Variants in EYA1 observed in about 807,000 individuals in gnomAD.
The protein encoded by EYA1 is EYA transcriptional coactivator and phosphatase 1.
A neutral mutation model predicts 82.0 loss-of-function variants in EYA1; 16 were observed. That is an observed-to-expected ratio of 0.20 (90% confidence interval 0.13 to 0.30). The LOEUF (loss-of-function observed/expected upper bound fraction) is 0.30, where lower values mean the gene tolerates loss of function less well. EYA1 is among the 10% of genes least tolerant of loss of function. The probability of loss-of-function intolerance (pLI) is 1.00; values close to 1 mark genes in which losing one functional copy is unlikely to be tolerated. For missense variants in EYA1, 633 were observed against 730.7 expected (o/e 0.87, Z 1.54); for synonymous variants, 261 against 264.4 (o/e 0.99, Z 0.12).
intron 2 of EYA1, among the ~76,000 whole-genome samples, chr8:71,467,191 AATAG>A (rs1314067279): frequency 2.0e-5 from 3 of 152,076 alleles, no homozygotes; most frequent in Admixed American, 1.3e-4. Context: ...TATTTTAAAA[AATAG>A]ATAGAATTTA....
chr8:71,311,096 C>T (rs1294821605), intron 7 of EYA1, among the ~76,000 whole-genome samples: 1 of 152,060 alleles, frequency 6.6e-6, no homozygotes, highest in Non-Finnish European at 1.5e-5. Context: ...TTTTATTTTC[C>T]TCATATGATT....
intron 12 of EYA1, among the ~76,000 whole-genome samples, chr8:71,235,066 A>C (rs903341324): frequency 6.6e-6 from 1 of 152,136 alleles, no homozygotes; most frequent in African/African-American, 2.4e-5. Context: ...AGGATACTGT[A>C]AGTCCTGTGA....
At chr8:71,231,951 G>A (rs149567895) in intron 12 of EYA1, among the ~76,000 whole-genome samples, 5 of 152,266 alleles carry the variant, frequency 3.3e-5, no homozygotes, top group East Asian at 3.9e-4. Context: ...ATTAGGCCCC[G>A]CTCCATAGCA....
intron 2 of EYA1, among the ~76,000 whole-genome samples, chr8:71,491,531 G>A (rs932105671): frequency 2.6e-5 from 4 of 152,180 alleles, no homozygotes; most frequent in African/African-American, 9.7e-5. Flanking sequence ...TTATGGGTGG[G>A]TCCTAATCCA....
chr8:71,319,815 G>T (rs1040942627), intron 6 of EYA1, among the ~76,000 whole-genome samples: 2 of 152,124 alleles, frequency 1.3e-5, no homozygotes, highest in African/African-American at 4.8e-5. Flanking sequence ...AGGGGAGAAG[G>T]ATGCCATATT....
chr8:71,267,179 C>T (rs1815941131), intron 11 of EYA1, among the ~76,000 whole-genome samples: 1 of 152,186 alleles, frequency 6.6e-6, no homozygotes, highest in Admixed American at 6.5e-5. Context: ...GAGATTAGCC[C>T]TGTTGACTGT....
chr8:71,292,478 T>A (rs1278666393), intron 9 of EYA1, among the ~76,000 whole-genome samples: 1 of 152,092 alleles, frequency 6.6e-6, no homozygotes, highest in Non-Finnish European at 1.5e-5. Flanking sequence ...TTGGTTCTGA[T>A]CAAAATTTTA....
At chr8:71,541,864 T>G (rs1259233966) in intron 1 of EYA1, among the ~76,000 whole-genome samples, 1 of 152,210 alleles carries the variant, frequency 6.6e-6, no homozygotes, top group Non-Finnish European at 1.5e-5. Flanking sequence ...CAAACGTTGT[T>G]TTGATACAAT....
intron 2 of EYA1, among the ~76,000 whole-genome samples, chr8:71,372,084 C>T (rs937537294): frequency 3.9e-5 from 6 of 151,970 alleles, no homozygotes; most frequent in Admixed American, 6.6e-5. Flanking sequence ...CATGAGTTTT[C>T]GGATTGAAAG....
chr8:71,545,446 A>C (rs986435431), intron 1 of EYA1, among the ~76,000 whole-genome samples: 1 of 152,278 alleles, frequency 6.6e-6, no homozygotes, highest in East Asian at 1.9e-4. Flanking sequence ...TTAGTAAATC[A>C]ATACTGTTAT....
chr8:71,447,668 G>A (rs532846763), intron 2 of EYA1, among the ~76,000 whole-genome samples: 1 of 152,244 alleles, frequency 6.6e-6, no homozygotes, highest in Admixed American at 6.5e-5. Context: ...AATAAAGCAA[G>A]TCACACAAAA....
In EYA1 at chr8:71,269,726, C is replaced by T; in HGVS notation, c.1050+14G>A. On this transcript the variant is annotated intron_variant, in intron 11 of 17. Coordinates refer to ENST00000340726, the MANE Select transcript of EYA1 (RefSeq NM_000503.6). The stretch of plus-strand genomic sequence containing the variant: ...CTCCAAAGAAATTAAAAACTGATGC[C>T]TCTTGGTACTCACCCTCCCATATCT... 6.2e-7 allele frequency: 1 copy of T among 1,603,384 alleles called. No individual in the cohort carries two copies. Among genetic ancestry groups the T allele is most frequent in the Non-Finnish European group, 8.5e-7 (1 of 1,170,606 alleles).
intron 2 of EYA1, among the ~76,000 whole-genome samples, chr8:71,498,069 G>C (rs913436116): frequency 1.3e-5 from 2 of 151,768 alleles, no homozygotes; most frequent in Admixed American, 6.6e-5. Flanking sequence ...GAGGTTGCTG[G>C]GGGGATGTTA....
At chr8:71,418,959 A>C (rs10105943) in intron 2 of EYA1, among the ~76,000 whole-genome samples, 59,188 of 152,002 alleles carry the variant, frequency 0.39, 11,663 homozygotes, top group Middle Eastern at 0.44. Flanking sequence ...TAAGGTTAGA[A>C]TACGCTTAAA....
chr8:71,361,988 C>G lies in EYA1; in HGVS notation c.-396G>C. ...TACCTCGCCCCAAACTCGGAGCCAT[C>G]AGCTCCCACCGTTCTGTTTGGTAAC... On this transcript the variant is annotated 5_prime_UTR_variant, in exon 1 of 18. It removes the in-frame stop codon of an upstream open reading frame in the 5' UTR. Transcript: ENST00000340726. 2 of 985,378 alleles carry G rather than the reference C, an allele frequency of 2.0e-6. No homozygotes were observed. Among genetic ancestry groups the G allele is most frequent in the Non-Finnish European group, 2.4e-6 (2 of 829,914 alleles). The allele number at this position is 985,378 out of a possible 1,614,324, so 61.0% of individuals were successfully genotyped here. A position where few individuals can be genotyped will look rare whatever the true frequency, so the allele number is the denominator to read the frequency against.
chr8:71,303,688 A>C (rs1820438538), intron 7 of EYA1, among the ~76,000 whole-genome samples: 1 of 142,424 alleles, frequency 7.0e-6, no homozygotes, highest in Non-Finnish European at 1.6e-5. Context: ...GACTTTCCAG[A>C]CTAAATGCTA....
At chr8:71,438,083 C>G (rs531515971) in intron 2 of EYA1, among the ~76,000 whole-genome samples, 11 of 152,072 alleles carry the variant, frequency 7.2e-5, no homozygotes, top group Non-Finnish European at 1.2e-4. Context: ...TCAAGGGTAT[C>G]AAGAAGTGAC....
At chr8:71,384,474 TGTTTGTACA>T (rs1374893097) in intron 2 of EYA1, among the ~76,000 whole-genome samples, 11 of 152,308 alleles carry the variant, frequency 7.2e-5, no homozygotes, top group Non-Finnish European at 1.5e-4. Flanking sequence ...AGAAGCCCTT[TGTTTGTACA>T]GTACCTTACA....
rs755943991 is a variant in EYA1 at position 71,354,745 on chromosome 8, A to C, written c.124+37T>G. 3.7e-6 allele frequency: 6 copies of C among 1,604,288 alleles called. No individual in the cohort carries two copies. The African/African-American group carries it at 8.0e-5, about 21-fold the overall frequency. Reference sequence around the variant, plus strand: ...ACAAAGCATATACTGATGAAGAAACAAGGTGCAAAGTAAATAGTGAGAAGG... The same window carrying C: ...ACAAAGCATATACTGATGAAGAAACCAGGTGCAAAGTAAATAGTGAGAAGG... On this transcript the variant is annotated intron_variant, in intron 3 of 17. Transcript: ENST00000340726.
Sources: allele counts gnomAD v4.1 joint callset (sites outside exome capture counted in the v4.1 genomes callset), GRCh38; gene constraint gnomAD v4.1.1; transcripts MANE v1.5; gene names NCBI Gene and HGNC (gene_info 2026-07-23, HGNC 2026-07-21).